The following NAV3 variants were observed in gnomAD, a reference collection of about 807,000 sequenced individuals.
The protein encoded by NAV3 is pore membrane and/or filament interacting like protein 1.
NAV3 carries 87 observed loss-of-function variants against 244.7 expected under a neutral mutation model. The ratio of observed to expected loss-of-function variants is 0.36; its 90% CI spans 0.30 to 0.42. The LOEUF (loss-of-function observed/expected upper bound fraction) is 0.42. Among genes scored for constraint, NAV3 ranks in the 20% least tolerant of loss-of-function variants. NAV3 has a pLI of 1.00. For synonymous variants in NAV3, 1,126 were observed against 1,042.2 expected (o/e 1.08, Z -1.55); for missense variants, 2,663 against 2,893.3 (o/e 0.92, Z 1.83).
In NAV3 at chr12:78,176,426, A is replaced by G; in HGVS notation, c.5104-13A>G. 6.2e-7 allele frequency: 1 copy of G among 1,612,336 alleles called. No homozygotes were observed. On this transcript the variant is annotated splice_polypyrimidine_tract_variant and intron_variant, in intron 25 of 39. Transcript: ENST00000397909. ...TTGATTTGTAATTCCACACTCTTTCATGTTTCTGCAAGGTGAACTCTAGAG... is the reference window on the plus strand; with the variant it reads ...TTGATTTGTAATTCCACACTCTTTCGTGTTTCTGCAAGGTGAACTCTAGAG...
chr12:77,598,611 C>A (rs79354998), intron 2 of NAV3, among the ~76,000 whole-genome samples: 7,515 of 151,892 alleles, frequency 0.049, 384 homozygotes, highest in African/African-American at 0.13. Flanking sequence ...ATCTGCATAT[C>A]TTTAATGTGT....
chr12:77,934,240 G>A (rs1222764923), intron 1 of NAV3, among the ~76,000 whole-genome samples: 1 of 152,018 alleles, frequency 6.6e-6, no homozygotes, highest in Admixed American at 6.6e-5. Flanking sequence ...CCCGAAGGTA[G>A]GATTCCTGTC....
At chr12:78,024,630 A>G (rs946534352) in intron 9 of NAV3, among the ~76,000 whole-genome samples, 18 of 151,984 alleles carry the variant, frequency 1.2e-4, no homozygotes, top group Non-Finnish European at 1.8e-4. Context: ...TCCCAACCAA[A>G]TCACTTATTT....
At chr12:77,917,549 G>T (rs1185290916) in intron 1 of NAV3, among the ~76,000 whole-genome samples, 1 of 151,974 alleles carries the variant, frequency 6.6e-6, no homozygotes, top group Non-Finnish European at 1.5e-5. Flanking sequence ...ATGTGTAACG[G>T]TCCTATTTTC....
In NAV3 at chr12:78,211,748, T is replaced by TTA. The variant is rs1372793883; in HGVS notation, c.*1231_*1232insTA. On this transcript the variant is annotated 3_prime_UTR_variant, in exon 40 of 40. Transcript: ENST00000397909. ...TCCTTCCCTATTGTTTTTGTTTTTT[T>TTA]AATGAGTTTTGACGCATGTTGTTTT... is the stretch of plus-strand genomic sequence containing the variant. 2.6e-5 allele frequency: 4 copies of TTA among 152,470 alleles called. No homozygotes were observed. Among genetic ancestry groups the TTA allele is most frequent in the Non-Finnish European group, 5.9e-5 (4 of 68,010 alleles). 9.4% of individuals were successfully genotyped at this position (152,470 alleles called of 1,614,324 possible). A position where few individuals can be genotyped will look rare whatever the true frequency, so the allele number is the denominator to read the frequency against.
chr12:77,982,355 C>A (rs1869734214), intron 5 of NAV3, among the ~76,000 whole-genome samples: 2 of 61,392 alleles, frequency 3.3e-5, no homozygotes, highest in Non-Finnish European at 9.3e-5. Context: ...AGAGATACAT[C>A]AGATATGTGG....
chr12:78,115,095 C>T (rs936324712), intron 12 of NAV3, among the ~76,000 whole-genome samples: 2 of 152,116 alleles, frequency 1.3e-5, no homozygotes, highest in East Asian at 3.9e-4. Flanking sequence ...TCTTAAAGTA[C>T]ATATAGAAGA....
chr12:77,745,821 G>A (rs1213858570), intron 2 of NAV3, among the ~76,000 whole-genome samples: 2 of 151,716 alleles, frequency 1.3e-5, no homozygotes, highest in African/African-American at 2.4e-5. Flanking sequence ...TGACAGAGAG[G>A]GACAAAGAAG....
intron 2 of NAV3, among the ~76,000 whole-genome samples, chr12:77,666,254 T>C (rs1340638697): frequency 6.6e-6 from 1 of 151,126 alleles, no homozygotes; most frequent in Non-Finnish European, 1.5e-5. Flanking sequence ...ATAATATCTC[T>C]TCTAATTATT....
At chr12:78,089,736 G>A (rs1394831906) in intron 12 of NAV3, among the ~76,000 whole-genome samples, 1 of 152,090 alleles carries the variant, frequency 6.6e-6, no homozygotes, top group Non-Finnish European at 1.5e-5. Context: ...ACTTGTGATA[G>A]CCAGTATACA....
At chr12:77,950,940 T>C (rs1302298706) in intron 3 of NAV3, 1 of 152,178 alleles carries the variant, frequency 6.6e-6, no homozygotes, top group Admixed American at 6.6e-5. Flanking sequence ...AAGACTGACA[T>C]GTTAGACCTA....
At chr12:78,073,802 T>A (rs1381612354) in intron 12 of NAV3, among the ~76,000 whole-genome samples, 2 of 152,118 alleles carry the variant, frequency 1.3e-5, no homozygotes, top group African/African-American at 4.8e-5. Flanking sequence ...ACTACAAGGC[T>A]ACAGTAACCA....
intron 2 of NAV3, among the ~76,000 whole-genome samples, chr12:77,575,811 G>C (rs954746166): frequency 5.3e-5 from 8 of 152,086 alleles, no homozygotes; most frequent in African/African-American, 1.4e-4. Context: ...ATTTGTCATA[G>C]TCAATATTTT....
At chr12:78,153,636 T>G (rs2139306076) in intron 22 of NAV3, among the ~76,000 whole-genome samples, 1 of 152,182 alleles carries the variant, frequency 6.6e-6, no homozygotes, top group East Asian at 1.9e-4. Flanking sequence ...CATTACATAA[T>G]TTGGAAATGG....
rs3054757 is a variant in NAV3, at chr12:78,176,232, C to CA, written c.5104-197dup. ...TGGAGTCAATGATTTCTTTTAATAC[C>CA]AAAAAAAAAATGTAGATTTTGAGTA... On this transcript the variant is annotated intron_variant, in intron 25 of 39. Transcript: ENST00000397909. Among the ~76,000 whole-genome samples the CA allele has an allele frequency of 8.1e-3, 1,193 of 146,964 alleles. 8 individuals carry two copies. Among genetic ancestry groups the CA allele is most frequent in the African/African-American group, 0.016 (664 of 40,288 alleles).
intron 2 of NAV3, among the ~76,000 whole-genome samples, chr12:77,668,824 A>G (rs968495249): frequency 6.6e-6 from 1 of 152,210 alleles, no homozygotes; most frequent in African/African-American, 2.4e-5. Context: ...TTACAAAAAG[A>G]TCATTGCCTA....
intron 12 of NAV3, among the ~76,000 whole-genome samples, chr12:78,095,098 T>TATATATAC (rs1313180938): frequency 1.3e-3 from 187 of 143,510 alleles, no homozygotes; most frequent in African/African-American, 4.6e-3. Context: ...CATATATATA[T>TATATATAC]ACACATATAT....
At position 78,118,050 on chromosome 12, in the gene NAV3, C is replaced by T. The variant is rs761687145; in HGVS notation, c.2793C>T (p.Arg931=). The part of the protein sequence containing the change: ...NTQLRTDSEK[R]STTDETWDSP... ...AGCTGAGGACAGATTCAGAGAAACG[C>T]TCCACCACAGACGAGACCTGGGATA... The change falls in exon 14 of 40, where the codon CGC becomes CGT. Residue 931 remains arginine (R), a synonymous_variant. Transcript: ENST00000397909. 1 of 1,612,384 alleles carries T rather than the reference C, an allele frequency of 6.2e-7. No individual in the cohort carries two copies. Among genetic ancestry groups the T allele is most frequent in the Non-Finnish European group, 8.5e-7 (1 of 1,179,294 alleles).
intron 2 of NAV3, among the ~76,000 whole-genome samples, chr12:77,761,679 CTCA>C (rs1161099206): frequency 6.6e-6 from 1 of 152,130 alleles, no homozygotes; most frequent in Non-Finnish European, 1.5e-5. Context: ...TGAAAAAAAG[CTCA>C]TCATCACTGG....
Sources: gnomAD v4.1 joint callset for allele counts (sites outside exome capture counted in the v4.1 genomes callset) on GRCh38, gnomAD v4.1.1 for gene constraint, MANE v1.5 for transcripts, NCBI Gene and HGNC (gene_info 2026-07-23, HGNC 2026-07-21) for gene names.